Variants in MSI2 observed in about 807,000 individuals in gnomAD.
MSI2 encodes musashi RNA binding protein 2.
In MSI2, 17 loss-of-function variants were observed where a neutral mutation model predicts 45.6. That is an observed-to-expected ratio of 0.37 (90% CI 0.26 to 0.56). The LOEUF (loss-of-function observed/expected upper bound fraction) is 0.56. MSI2 is among the 20% of genes least tolerant of loss of function. MSI2 has a pLI of 0.77. For missense variants in MSI2, 293 were observed against 444.2 expected (o/e 0.66, Z 3.06); for synonymous variants, 156 against 158.2 (o/e 0.99, Z 0.11).
At chr17:57,649,589 ACC>A in intron 10 of MSI2, among the ~76,000 whole-genome samples, 1 of 151,874 alleles carries the variant, frequency 6.6e-6, no homozygotes, top group East Asian at 1.9e-4. Context: ...CAACACACAC[ACC>A]CCTTGTATCT....
chr17:57,331,923 T>A (rs1291054982), intron 5 of MSI2, among the ~76,000 whole-genome samples: 1 of 152,206 alleles, frequency 6.6e-6, no homozygotes, highest in Non-Finnish European at 1.5e-5. Flanking sequence ...ACCTTGATCT[T>A]TAAAATCGTA....
chr17:57,424,531 C>T (rs900305105), intron 6 of MSI2, among the ~76,000 whole-genome samples: 2 of 152,148 alleles, frequency 1.3e-5, no homozygotes, highest in Non-Finnish European at 2.9e-5. Flanking sequence ...TCTCATAGCT[C>T]CAGAAGTTGG....
At chr17:57,512,965 TTCC>T (rs200622716) in intron 6 of MSI2, among the ~76,000 whole-genome samples, 5 of 49,118 alleles carry the variant, frequency 1.0e-4, no homozygotes, top group South Asian at 1.7e-3. Context: ...AATTAGCTTC[TTCC>T]TTTTTTTTTT....
In MSI2 at chr17:57,634,724, G is replaced by T. The variant is rs183516725; in HGVS notation, c.727+7421G>T. The stretch of plus-strand genomic sequence containing the variant: ...AATAATAATGGACTAAACAAAATAA[G>T]AATTCATTTATCTCTCATGTAAAAG... On this transcript the variant is annotated intron_variant, in intron 10 of 13. Transcript: ENST00000284073. 4.6e-5 allele frequency among the ~76,000 whole-genome samples: 7 copies of T among 152,262 alleles called. No individual in the cohort carries two copies. The East Asian group carries it at 1.3e-3, about 29-fold the overall frequency.
At chr17:57,629,476 C>T (rs1455296924) in intron 10 of MSI2, 1 of 152,220 alleles carries the variant, frequency 6.6e-6, no homozygotes, top group Admixed American at 6.5e-5. Context: ...ATTTCAGTTC[C>T]TTTAGAAACA....
At chr17:57,530,242 T>C (rs1455692537) in intron 7 of MSI2, among the ~76,000 whole-genome samples, 1 of 152,170 alleles carries the variant, frequency 6.6e-6, no homozygotes, top group Non-Finnish European at 1.5e-5. Flanking sequence ...CTTAATTGTG[T>C]TTTTCCCTGT....
chr17:57,659,139 A>C (rs960536567), intron 11 of MSI2, among the ~76,000 whole-genome samples: 2 of 152,088 alleles, frequency 1.3e-5, no homozygotes, highest in Admixed American at 6.6e-5. Context: ...AATGAAGTGC[A>C]GTCTTGAACT....
intron 5 of MSI2, among the ~76,000 whole-genome samples, chr17:57,378,230 A>G (rs769411215): frequency 1.3e-5 from 2 of 151,682 alleles, no homozygotes; most frequent in Admixed American, 6.6e-5. Flanking sequence ...GATTACAGGC[A>G]TGTACCTCCA....
intron 5 of MSI2, among the ~76,000 whole-genome samples, chr17:57,359,879 C>T (rs1319210172): frequency 3.3e-5 from 5 of 152,236 alleles, no homozygotes; most frequent in African/African-American, 4.8e-5. Context: ...CTGAGCTCCC[C>T]ACCCCTCGTG....
At chr17:57,341,637 A>G (rs1915174476) in intron 5 of MSI2, among the ~76,000 whole-genome samples, 1 of 152,228 alleles carries the variant, frequency 6.6e-6, no homozygotes, top group Non-Finnish European at 1.5e-5. Context: ...AAGTGGTAGC[A>G]CTACGTAAAT....
chr17:57,339,882 A>C (rs952869804), intron 5 of MSI2, among the ~76,000 whole-genome samples: 5 of 152,116 alleles, frequency 3.3e-5, no homozygotes, highest in Non-Finnish European at 5.9e-5. Context: ...CCATTTTCCC[A>C]GCTGAGATGG....
intron 6 of MSI2, among the ~76,000 whole-genome samples, chr17:57,420,722 T>C (rs1219420522): frequency 2.0e-5 from 3 of 152,210 alleles, no homozygotes; most frequent in Admixed American, 6.5e-5. Context: ...ATGGGCTATC[T>C]GGAAGGGTCA....
At chr17:57,451,356 A>G (rs938541629) in intron 6 of MSI2, among the ~76,000 whole-genome samples, 1 of 152,222 alleles carries the variant, frequency 6.6e-6, no homozygotes, top group African/African-American at 2.4e-5. Context: ...GAAATGCACA[A>G]TAGAGATCCT....
chr17:57,518,766 T>C (rs1332732966), intron 6 of MSI2, among the ~76,000 whole-genome samples: 1 of 152,190 alleles, frequency 6.6e-6, no homozygotes, highest in Non-Finnish European at 1.5e-5. Flanking sequence ...CCCCAGCACA[T>C]GCACGCACGC....
chr17:57,328,354 CTTCATCCATCA>C (rs1913993036), intron 5 of MSI2, among the ~76,000 whole-genome samples: 2 of 152,010 alleles, frequency 1.3e-5, no homozygotes, highest in African/African-American at 4.8e-5. Flanking sequence ...TTCATCCATC[CTTCATCCATCA>C]ATCCATCCAT....
At chr17:57,389,455 C>T (rs1019833888) in intron 5 of MSI2, among the ~76,000 whole-genome samples, 1 of 152,154 alleles carries the variant, frequency 6.6e-6, no homozygotes, top group East Asian at 1.9e-4. Flanking sequence ...GGCCCTTCTC[C>T]CCTTTCTTCC....
intron 9 of MSI2, among the ~76,000 whole-genome samples, chr17:57,621,848 A>C (rs1258568558): frequency 1.3e-5 from 2 of 152,242 alleles, no homozygotes; most frequent in Admixed American, 6.5e-5. Context: ...AGGAGGGGTT[A>C]TCCTTAGGCC....
intron 5 of MSI2, among the ~76,000 whole-genome samples, chr17:57,360,460 G>C (rs1916740242): frequency 6.6e-6 from 1 of 152,234 alleles, no homozygotes; most frequent in Non-Finnish European, 1.5e-5. Flanking sequence ...GGCTGTCCAA[G>C]GGCTCCAGGT....
intron 5 of MSI2, among the ~76,000 whole-genome samples, chr17:57,314,101 C>T (rs1183068950): frequency 6.6e-6 from 1 of 152,138 alleles, no homozygotes; most frequent in African/African-American, 2.4e-5. Flanking sequence ...AGGTCTCCCT[C>T]CGTGGCTTCT....
Sources: allele counts gnomAD v4.1 joint callset (sites outside exome capture counted in the v4.1 genomes callset), GRCh38; gene constraint gnomAD v4.1.1; transcripts MANE v1.5; gene names NCBI Gene and HGNC (gene_info 2026-07-23, HGNC 2026-07-21).